USP45: variants seen among roughly 807,000 people sequenced by gnomAD.
USP45 encodes the protein ubiquitin carboxyl-terminal hydrolase 45.
Under a neutral mutation model 95.8 loss-of-function variants are expected in USP45, and 89 were observed. The observed-to-expected ratio is 0.93, with a 90% confidence interval of 0.78 to 1.11. The LOEUF (loss-of-function observed/expected upper bound fraction) is 1.11, where lower values mean the gene tolerates loss of function less well. Ranked by LOEUF, USP45 falls within the 50% of genes least tolerant of loss-of-function variation. The probability of loss-of-function intolerance (pLI) is 0.00; values close to 1 mark genes in which losing one functional copy is unlikely to be tolerated. For synonymous variants in USP45, 281 were observed against 316.2 expected (o/e 0.89, Z 1.18); for missense variants, 898 against 942.5 (o/e 0.95, Z 0.62).
intron 4 of USP45, 101 bp downstream of exon 4, chr6:99,507,327 T>G (rs1324493279): frequency 3.4e-6 from 2 of 591,466 alleles, no homozygotes; most frequent in Admixed American, 3.3e-5. Context: ...AACCATAAGC[T>G]GATAGAACAT....
chr6:99,492,740 C>T (rs1293398203), intron 5 of USP45, among the ~76,000 whole-genome samples: 3 of 152,074 alleles, frequency 2.0e-5, no homozygotes, highest in African/African-American at 7.2e-5. Flanking sequence ...GATCTGCACG[C>T]CTTGGCCTCC....
chr6:99,484,891 A>T lies in USP45; in HGVS notation c.715-2008T>A, dbSNP rs972153591. Among the ~76,000 whole-genome samples the T allele has an allele frequency of 2.0e-5, 3 of 152,308 alleles. No individual in the cohort carries two copies. In the East Asian group the frequency reaches 5.8e-4, roughly 29 times the overall value. On this transcript the variant is annotated intron_variant, in intron 7 of 17. Coordinates refer to ENST00000500704, the MANE Select transcript of USP45 (RefSeq NM_001346022.3). Reference sequence around the variant, plus strand: ...AAAGTGTTTTCTGCCATGTTAACTGAAAGTTACCTCAAGGGTCAAAAGTAA... The same window carrying T: ...AAAGTGTTTTCTGCCATGTTAACTGTAAGTTACCTCAAGGGTCAAAAGTAA...
intron 7 of USP45, 96 bp downstream of exon 7, chr6:99,488,104 T>C: frequency 1.3e-6 from 1 of 752,362 alleles, no homozygotes; most frequent in Admixed American, 2.8e-5. Context: ...CCCTGGCTAC[T>C]ATCTTAGTTG....
At chr6:99,458,232 G>C (rs1785530003) in intron 13 of USP45, among the ~76,000 whole-genome samples, 1 of 152,182 alleles carries the variant, frequency 6.6e-6, no homozygotes, top group African/African-American at 2.4e-5. Flanking sequence ...TGTTAGCCAG[G>C]ATGGTCTCCA....
At chr6:99,489,816 G>A (rs952458388) in intron 5 of USP45, among the ~76,000 whole-genome samples, 1 of 152,008 alleles carries the variant, frequency 6.6e-6, no homozygotes, top group African/African-American at 2.4e-5. Context: ...GCGTGGTGGT[G>A]CGTGCAAGCC....
At chr6:99,504,402 A>G (rs1029363583) in intron 4 of USP45, among the ~76,000 whole-genome samples, 1 of 152,160 alleles carries the variant, frequency 6.6e-6, no homozygotes, top group Non-Finnish European at 1.5e-5. Flanking sequence ...GGCCTCCCAA[A>G]GTATTGGGAT....
intron 9 of USP45, among the ~76,000 whole-genome samples, chr6:99,472,603 C>T (rs548050461): frequency 6.6e-6 from 1 of 152,212 alleles, no homozygotes; most frequent in South Asian, 2.1e-4. Context: ...AAAAATAATT[C>T]TAGCAATTGA....
chr6:99,505,549 C>G (rs1304017374), intron 4 of USP45, among the ~76,000 whole-genome samples: 2 of 150,252 alleles, frequency 1.3e-5, no homozygotes, highest in African/African-American at 4.9e-5. Flanking sequence ...ACCTGTAATT[C>G]CAGCTACTCC....
rs554927779 is a variant in USP45, at chr6:99,468,543, CT to C, written c.1008del (p.Val337SerfsTer9). 5,333 of 1,599,858 alleles carry C rather than the reference CT, an allele frequency of 3.3e-3. 16 individuals are homozygous for C. The highest frequency in any genetic ancestry group is 4.2e-3 in the Non-Finnish European group (4,932 of 1,170,488). On this transcript the variant is annotated frameshift_variant, in exon 10 of 18. Coordinates refer to ENST00000500704, the MANE Select transcript of USP45 (RefSeq NM_001346022.3). LOFTEE classifies it high-confidence loss of function. ...TKTADDETRK[K>X]VKAYGKEGVK... ...TAACAAAGAGTCAACATACCTTTGA[CT>C]TTTTTTCTAGTTTCATCATCAGCAG...
rs989692624 is a variant in USP45, at chr6:99,488,314, A to G, written c.619-19T>C. On this transcript the variant is annotated intron_variant, in intron 6 of 17. Coordinates refer to ENST00000500704, the MANE Select transcript of USP45 (RefSeq NM_001346022.3). ...CCAAGTTCTAAAAGAAAACAAAATT[A>G]AAGTCTTCAGATTCAGTTAAAATAT... 6.6e-7 allele frequency: 1 copy of G among 1,524,554 alleles called. No homozygotes were observed. The highest frequency in any genetic ancestry group is 2.3e-5 in the East Asian group (1 of 43,982). The allele number at this position is 1,524,554 out of a possible 1,614,324, so 94.4% of individuals were successfully genotyped here.
chr6:99,475,236 G>A (rs550805736), intron 9 of USP45, among the ~76,000 whole-genome samples: 25 of 151,584 alleles, frequency 1.6e-4, no homozygotes, highest in Admixed American at 1.2e-3. Context: ...TAAGAAGAAT[G>A]CTTTCTGGAT....
chr6:99,484,832 A>G lies in USP45; in HGVS notation c.715-1949T>C, dbSNP rs1438805233. Among the ~76,000 whole-genome samples the G allele has an allele frequency of 2.2e-5, 3 of 134,034 alleles. No homozygotes were observed. In the South Asian group the frequency reaches 8.3e-4, roughly 37 times the overall value. The allele number at this position is 134,034 out of a possible 152,430, so 87.9% of individuals were successfully genotyped here. A position where few individuals can be genotyped will look rare whatever the true frequency, so the allele number is the denominator to read the frequency against. ...TGTTTTCTCTTCTGCTGTAAACTTA[A>G]AACTGCTCTAAAAAATAAAGTCTAT... On this transcript the variant is annotated intron_variant, in intron 7 of 17. Coordinates refer to ENST00000500704, the MANE Select transcript of USP45 (RefSeq NM_001346022.3).
In USP45 at chr6:99,437,406, A is replaced by ACTTAATTGATTGATTG; in HGVS notation, c.2161-8_2161-7insCAATCAATCAATTAAG. The ACTTAATTGATTGATTG allele has an allele frequency of 6.3e-7, 1 of 1,575,466 alleles. No homozygotes were observed. The highest frequency in any genetic ancestry group is 8.6e-7 in the Non-Finnish European group (1 of 1,168,482). On this transcript the variant is annotated splice_polypyrimidine_tract_variant and splice_region_variant and intron_variant, in intron 16 of 17. Coordinates refer to ENST00000500704, the MANE Select transcript of USP45 (RefSeq NM_001346022.3). ...TATCTCCCACACTTGCATTCTTTTA[A>ACTTAATTGATTGATTG]ACAAAGAAAAAAACCCAAATTAGTA...
intron 13 of USP45, among the ~76,000 whole-genome samples, chr6:99,454,413 G>A (rs1270187757): frequency 6.6e-6 from 1 of 152,068 alleles, no homozygotes; most frequent in African/African-American, 2.4e-5. Context: ...TGATTTTATG[G>A]AGACCTCAAA....
chr6:99,499,686 T>C (rs77463629), intron 5 of USP45, among the ~76,000 whole-genome samples: 3,184 of 152,270 alleles, frequency 0.021, 106 homozygotes, highest in African/African-American at 0.071. Flanking sequence ...CCAGGTGCTA[T>C]TCACGGTTCC....
At chr6:99,492,795 A>G (rs1795480334) in intron 5 of USP45, among the ~76,000 whole-genome samples, 1 of 152,136 alleles carries the variant, frequency 6.6e-6, no homozygotes, top group Admixed American at 6.6e-5. Context: ...CTTGGCCAGA[A>G]TAACATTTCT....
Position 99,435,497 on chromosome 6 carries a change from C to A in USP45, c.*219G>T. On this transcript the variant is annotated 3_prime_UTR_variant, in exon 18 of 18. Coordinates refer to ENST00000500704, the MANE Select transcript of USP45 (RefSeq NM_001346022.3). ...AAGTTTTTGTACCCCAGAATAAATA[C>A]CTGGAAACAAAATTCACATTTATTT... The A allele has an allele frequency of 2.7e-6, 1 of 366,110 alleles. No individual in the cohort carries two copies. The highest frequency in any genetic ancestry group is 4.8e-6 in the Non-Finnish European group (1 of 209,542). 22.7% of individuals were successfully genotyped at this position (366,110 alleles called of 1,614,324 possible).
rs776237557 is a variant in USP45, at chr6:99,465,096, G to A, written c.1148C>T (p.Pro383Leu). ...VKDPFIDISL[P>L]IIEERVSKPL... ...TCTCCTTACCCTTTCTTCTATTATA[G>A]GAAGTGAAATATCAATGAATGGATC... The change falls in exon 12 of 18, where the codon CCT (proline) becomes CTT (leucine). Residue 383 changes from proline (P) to leucine (L), a missense_variant. By Grantham distance (98) the Pro-to-Leu change is moderately conservative (BLOSUM62 -3). Transcript: ENST00000500704. 21 of 1,597,244 alleles carry A rather than the reference G, an allele frequency of 1.3e-5. No homozygotes were observed. The Admixed American group carries it at 3.6e-4, about 27-fold the overall frequency.
intron 9 of USP45, 89 bp downstream of exon 9, chr6:99,476,054 T>G: frequency 5.8e-6 from 7 of 1,206,186 alleles, no homozygotes; most frequent in Non-Finnish European, 8.2e-6. Context: ...TGACCTCAGA[T>G]GATCCACCCC....
Sources: gnomAD v4.1 joint callset for allele counts (sites outside exome capture counted in the v4.1 genomes callset) on GRCh38, gnomAD v4.1.1 for gene constraint, MANE v1.5 for transcripts, NCBI Gene and HGNC (gene_info 2026-07-23, HGNC 2026-07-21) for gene names.